Variants in IL1RAPL2 observed in about 807,000 individuals in gnomAD.
IL1RAPL2 encodes the protein interleukin 1 receptor accessory protein like 2, also known as X-linked interleukin-1 receptor accessory protein-like 2.
In IL1RAPL2, 3 loss-of-function variants were observed where a neutral mutation model predicts 44.1. The observed-to-expected ratio is 0.07, with a 90% CI of 0.03 to 0.18. The LOEUF is 0.18. Ranked by LOEUF, IL1RAPL2 falls within the 10% of genes least tolerant of loss-of-function variation. The pLI is 1.00. For missense variants in IL1RAPL2, 391 were observed against 496.4 expected, an observed-to-expected ratio of 0.79 and a Z score of 2.02; for synonymous variants, 181 against 178.8, an observed-to-expected ratio of 1.01 and a Z score of -0.10.
At chrX:104,818,986 C>T (rs1159662685) in intron 2 of IL1RAPL2, among the ~76,000 whole-genome samples, 1 of 111,823 alleles carries the variant, frequency 8.9e-6, no homozygotes, top group Non-Finnish European at 1.9e-5. Context: ...GTTGTTGTTA[C>T]TGTATTAACT....
intron 2 of IL1RAPL2, among the ~76,000 whole-genome samples, chrX:104,991,651 G>C (rs1200567811): frequency 9.0e-6 from 1 of 111,725 alleles, no homozygotes; most frequent in Non-Finnish European, 1.9e-5. Flanking sequence ...CACTCCCTTT[G>C]TTGCATCTTT....
chrX:105,567,565 C>A (rs1057190715), intron 6 of IL1RAPL2, among the ~76,000 whole-genome samples: 2 of 111,685 alleles, frequency 1.8e-5, no homozygotes, highest in African/African-American at 3.2e-5. Flanking sequence ...TTAACAAAGG[C>A]ATAGATCTGT....
chrX:104,771,133 A>G (rs1392452804), intron 2 of IL1RAPL2, among the ~76,000 whole-genome samples: 1 of 112,284 alleles, frequency 8.9e-6, no homozygotes, highest in African/African-American at 3.2e-5. Context: ...GTTTTTTCAT[A>G]TCAAAAATGC....
At chrX:105,385,977 A>T (rs2035473962) in intron 5 of IL1RAPL2, among the ~76,000 whole-genome samples, 1 of 111,440 alleles carries the variant, frequency 9.0e-6, no homozygotes, top group Non-Finnish European at 1.9e-5. Context: ...ATTCAACCTT[A>T]GTTTTAACTT....
At chrX:105,458,540 C>T (rs2036072014) in intron 5 of IL1RAPL2, among the ~76,000 whole-genome samples, 3 of 111,875 alleles carry the variant, frequency 2.7e-5, no homozygotes. Flanking sequence ...GAAATCCATA[C>T]CCATTAGTAA....
intron 2 of IL1RAPL2, among the ~76,000 whole-genome samples, chrX:105,120,661 T>C (rs1358247387): frequency 8.9e-6 from 1 of 111,792 alleles, no homozygotes; most frequent in African/African-American, 3.3e-5. Context: ...ATATTTCACT[T>C]CCTGTTTTAT....
chrX:105,618,979 C>G, intron 6 of IL1RAPL2, among the ~76,000 whole-genome samples: 1 of 111,163 alleles, frequency 9.0e-6, no homozygotes, highest in Non-Finnish European at 1.9e-5. Flanking sequence ...TTATGCTCTT[C>G]CCATGGAGGT....
intron 2 of IL1RAPL2, among the ~76,000 whole-genome samples, chrX:105,059,580 G>T (rs1396398164): frequency 9.0e-6 from 1 of 110,676 alleles, no homozygotes; most frequent in Non-Finnish European, 1.9e-5. Flanking sequence ...GCCCATGCTG[G>T]AGTGCAGTAG....
intron 5 of IL1RAPL2, among the ~76,000 whole-genome samples, chrX:105,415,115 C>T (rs2035723826): frequency 9.0e-6 from 1 of 111,721 alleles, no homozygotes; most frequent in Non-Finnish European, 1.9e-5. Flanking sequence ...GAATAAGTAA[C>T]ACAATAAGTA....
chrX:104,578,898 T>G (rs1406722324), intron 1 of IL1RAPL2, among the ~76,000 whole-genome samples: 1 of 111,669 alleles, frequency 9.0e-6, no homozygotes, highest in Non-Finnish European at 1.9e-5. Flanking sequence ...GGCTCACAAC[T>G]TAATATTCAT....
intron 5 of IL1RAPL2, among the ~76,000 whole-genome samples, chrX:105,373,364 G>T (rs2035359520): frequency 9.0e-6 from 1 of 111,475 alleles, no homozygotes; most frequent in African/African-American, 3.3e-5. Flanking sequence ...TAATGGGGTT[G>T]CTTGTTTTTT....
chrX:105,613,035 C>T (rs993873737), intron 6 of IL1RAPL2, among the ~76,000 whole-genome samples: 1 of 111,617 alleles, frequency 9.0e-6, no homozygotes, highest in Non-Finnish European at 1.9e-5. Context: ...AGTGCTTATA[C>T]CACCCCTACC....
chrX:105,690,312 C>A (rs2038025036), intron 6 of IL1RAPL2, among the ~76,000 whole-genome samples: 1 of 111,483 alleles, frequency 9.0e-6, no homozygotes, highest in South Asian at 3.7e-4. Flanking sequence ...TATCTTCAAG[C>A]TGACATACTA....
intron 2 of IL1RAPL2, among the ~76,000 whole-genome samples, chrX:104,770,921 G>C (rs768912677): frequency 1.8e-5 from 2 of 111,006 alleles, no homozygotes; most frequent in Non-Finnish European, 3.8e-5. Context: ...GGCCCCAGTG[G>C]AGATTCACTT....
intron 7 of IL1RAPL2, among the ~76,000 whole-genome samples, chrX:105,721,440 C>A (rs2038303839): frequency 9.0e-6 from 1 of 111,112 alleles, no homozygotes; most frequent in Non-Finnish European, 1.9e-5. Context: ...AAAATTAATA[C>A]ATTGTTATTA....
chrX:105,031,893 A>G (rs190951275), intron 2 of IL1RAPL2, among the ~76,000 whole-genome samples: 1 of 111,529 alleles, frequency 9.0e-6, no homozygotes, highest in Non-Finnish European at 1.9e-5. Flanking sequence ...GATTATTGCC[A>G]CAATTTCGGA....
intron 1 of IL1RAPL2, among the ~76,000 whole-genome samples, chrX:104,651,080 A>G (rs767067768): frequency 8.9e-6 from 1 of 112,146 alleles, no homozygotes; most frequent in Non-Finnish European, 1.9e-5. Context: ...CATAAAGTAT[A>G]ATCATTGTTC....
intron 2 of IL1RAPL2, among the ~76,000 whole-genome samples, chrX:105,002,022 CAGAACGAATTTCGGAAGATTGCAGCA>C (rs1254862709): frequency 1.8e-5 from 2 of 110,839 alleles, no homozygotes; most frequent in South Asian, 3.8e-4. Flanking sequence ...TGAGTTTCTG[CAGAACGAATTTCGGAAGATTGCAGCA>C]AGAGTTGTGT....
At chrX:104,919,320 G>T (rs1359235996) in intron 2 of IL1RAPL2, among the ~76,000 whole-genome samples, 1 of 107,283 alleles carries the variant, frequency 9.3e-6, no homozygotes, top group African/African-American at 3.4e-5. Context: ...CTGCCTACTG[G>T]GTTCAAGCGA....
Sources: gnomAD v4.1 joint callset for allele counts (sites outside exome capture counted in the v4.1 genomes callset) on GRCh38, gnomAD v4.1.1 for gene constraint, MANE v1.5 for transcripts, NCBI Gene and HGNC (gene_info 2026-07-23, HGNC 2026-07-21) for gene names.